The following PTK2B variants were observed in gnomAD, a reference collection of about 807,000 sequenced individuals.
PTK2B encodes protein tyrosine kinase 2 beta, also known as protein-tyrosine kinase 2-beta.
A neutral mutation model predicts 142.9 loss-of-function variants in PTK2B; 71 were observed. The ratio of observed to expected loss-of-function variants is 0.50; its 90% confidence interval spans 0.41 to 0.61. The LOEUF is 0.61. Among genes scored for constraint, PTK2B ranks in the 20% least tolerant of loss-of-function variants. The pLI is 0.00. For missense variants in PTK2B, 1,105 were observed against 1,320.4 expected (o/e 0.84, Z 2.53); for synonymous variants, 519 against 503.4 (o/e 1.03, Z -0.42).
intron 2 of PTK2B, among the ~76,000 whole-genome samples, chr8:27,417,329 C>A (rs1809461036): frequency 6.6e-6 from 1 of 151,946 alleles, no homozygotes; most frequent in Non-Finnish European, 1.5e-5. Flanking sequence ...AAAAAGACAC[C>A]AAAAAAGTGT....
intron 2 of PTK2B, among the ~76,000 whole-genome samples, chr8:27,405,552 C>T (rs559948634): frequency 4.6e-5 from 7 of 152,322 alleles, no homozygotes; most frequent in Non-Finnish European, 7.3e-5. Context: ...CCCAGTGCCG[C>T]AGTATTTAAA....
At chr8:27,440,197 G>T (rs1259798400) in intron 20 of PTK2B, 40 bp from the exon 21 acceptor site, 1 of 1,597,856 alleles carries the variant, frequency 6.3e-7, no homozygotes, top group South Asian at 1.1e-5. Flanking sequence ...GGAGGGACTG[G>T]TCTCCCCCAC....
chr8:27,372,247 GA>G (rs1158154462), intron 1 of PTK2B, among the ~76,000 whole-genome samples: 1 of 152,182 alleles, frequency 6.6e-6, no homozygotes, highest in East Asian at 1.9e-4. Flanking sequence ...GTTCCCCAGA[GA>G]AACAGAACAG....
At chr8:27,388,224 C>T (rs543173269) in intron 1 of PTK2B, among the ~76,000 whole-genome samples, 6 of 152,242 alleles carry the variant, frequency 3.9e-5, no homozygotes, top group South Asian at 4.1e-4. Flanking sequence ...CAAATTTCTC[C>T]GCTCAGCAAC....
chr8:27,414,309 ATC>A (rs1457279039), intron 2 of PTK2B, among the ~76,000 whole-genome samples: 1 of 151,552 alleles, frequency 6.6e-6, no homozygotes, highest in Non-Finnish European at 1.5e-5. Context: ...CAGTGGCGCA[ATC>A]TCTGCTCACT....
intron 1 of PTK2B, among the ~76,000 whole-genome samples, chr8:27,381,501 T>C (rs1161371351): frequency 6.6e-6 from 1 of 152,248 alleles, no homozygotes; most frequent in Non-Finnish European, 1.5e-5. Context: ...CATGTTGTTG[T>C]GAATGACAAG....
At chr8:27,336,819 A>G (rs1176277118) in intron 1 of PTK2B, among the ~76,000 whole-genome samples, 1 of 152,076 alleles carries the variant, frequency 6.6e-6, no homozygotes, top group Non-Finnish European at 1.5e-5. Flanking sequence ...AATTGATCCA[A>G]AAGGAGTTTA....
rs895657702 is a variant in PTK2B, at chr8:27,430,428, C to A, written c.669+10C>A. ...GCAGGAGAACTTAAAGGTGAGGAAA[C>A]CAATGGGCGAGGACCTCTTCGTGCT... On this transcript the variant is annotated intron_variant, in intron 7 of 30. Transcript: ENST00000346049. 1 of 1,613,950 alleles carries A rather than the reference C, an allele frequency of 6.2e-7. No individual in the cohort carries two copies. Among genetic ancestry groups the A allele is most frequent in the Admixed American group, 1.7e-5 (1 of 60,002 alleles).
chr8:27,362,999 C>T (rs944736555), intron 1 of PTK2B, among the ~76,000 whole-genome samples: 2 of 152,230 alleles, frequency 1.3e-5, no homozygotes, highest in Non-Finnish European at 2.9e-5. Flanking sequence ...TGGCCAGAGT[C>T]AGCTGGGAAT....
chr8:27,371,412 T>C (rs951450047), intron 1 of PTK2B, among the ~76,000 whole-genome samples: 16 of 152,310 alleles, frequency 1.1e-4, no homozygotes, highest in African/African-American at 3.6e-4. Flanking sequence ...AGTTTTGAAC[T>C]CAAGGGACTT....
Position 27,454,294 on chromosome 8 carries a change from G to GAGAGC in PTK2B, c.2733+6_2733+10dup, listed in dbSNP as rs1491505061. 1.2e-6 allele frequency: 2 copies of GAGAGC among 1,612,888 alleles called. No individual in the cohort carries two copies. The highest frequency in any genetic ancestry group is 2.2e-5 in the East Asian group (1 of 44,866). On this transcript the variant is annotated splice_donor_region_variant and intron_variant, in intron 29 of 30. Coordinates refer to ENST00000346049, the MANE Select transcript of PTK2B (RefSeq NM_173176.3). ...AGGGCTACGTGGTGGTGGTGAAGGT[G>GAGAGC]AGAGCAGGGCTGGGTTGGGGAGGTG... is the stretch of plus-strand genomic sequence containing the variant.
intron 1 of PTK2B, among the ~76,000 whole-genome samples, chr8:27,375,070 C>T (rs1014396346): frequency 2.0e-5 from 3 of 152,216 alleles, no homozygotes; most frequent in African/African-American, 7.2e-5. Flanking sequence ...GACTGGAACT[C>T]AAGGCTTTCC....
intron 7 of PTK2B, 54 bp downstream of exon 7, chr8:27,430,472 G>T (rs1161564027): frequency 6.9e-6 from 11 of 1,602,116 alleles, no homozygotes; most frequent in Non-Finnish European, 8.6e-6. Context: ...AGACTAGAGT[G>T]TAAGGGATGA....
Position 27,437,170 on chromosome 8 carries a change from A to G in PTK2B, c.1390A>G (p.Thr464Ala). Residue 464 changes from threonine (T) to alanine (A), a missense_variant, in exon 16 of 31, where the codon ACT (threonine) becomes GCT (alanine). By Grantham distance (58) the Thr-to-Ala change is moderately conservative (BLOSUM62 0). Coordinates refer to ENST00000346049, the MANE Select transcript of PTK2B (RefSeq NM_173176.3). ...TGTCAAGACCTGCAAGAAAGACTGC[A>G]CTCTGGACAACAAGGAGAAGTTCAT... ...VAVKTCKKDC[T>A]LDNKEKFMSE... 2 of 1,613,926 alleles carry G rather than the reference A, an allele frequency of 1.2e-6. No individual in the cohort carries two copies. The highest frequency in any genetic ancestry group is 1.7e-6 in the Non-Finnish European group (2 of 1,179,950).
chr8:27,420,869 C>A, intron 4 of PTK2B, 125 bp downstream of exon 4: 1 of 875,968 alleles, frequency 1.1e-6, no homozygotes, highest in Non-Finnish European at 1.7e-6. Context: ...GGCTAGGAAG[C>A]TTCTCTTGAA....
chr8:27,320,278 A>G (rs554063131), intron 3 of PTK2B, among the ~76,000 whole-genome samples: 2 of 152,238 alleles, frequency 1.3e-5, no homozygotes, highest in East Asian at 1.9e-4. Flanking sequence ...TGGCCATGAG[A>G]CAAGGACCCC....
At chr8:27,420,584 C>A in intron 3 of PTK2B, 73 bp from the exon 4 acceptor site, 1 of 1,425,084 alleles carries the variant, frequency 7.0e-7, no homozygotes, top group Non-Finnish European at 9.9e-7. Context: ...CTTGCTTCTG[C>A]CCTTGGGGTC....
upstream of PTK2B, among the ~76,000 whole-genome samples, chr8:27,321,920 G>A (rs1803226381): frequency 6.6e-6 from 1 of 152,062 alleles, no homozygotes; most frequent in Non-Finnish European, 1.5e-5. Context: ...AGTGATGTCT[G>A]GTTAAATTAG....
chr8:27,373,879 T>G (rs1222547305), intron 1 of PTK2B, among the ~76,000 whole-genome samples: 1 of 151,786 alleles, frequency 6.6e-6, no homozygotes, highest in Non-Finnish European at 1.5e-5. Flanking sequence ...AATACGCCTC[T>G]TGAACAGGAG....
Sources: gnomAD v4.1 joint callset for allele counts (sites outside exome capture counted in the v4.1 genomes callset) on GRCh38, gnomAD v4.1.1 for gene constraint, MANE v1.5 for transcripts, NCBI Gene and HGNC (gene_info 2026-07-23, HGNC 2026-07-21) for gene names.